The following SPIDR variants were observed in gnomAD, a reference collection of about 807,000 sequenced individuals.
SPIDR encodes the protein scaffold protein involved in DNA repair, also known as DNA repair-scaffolding protein.
In SPIDR, 93 loss-of-function variants were observed where a neutral mutation model predicts 104.6. The observed-to-expected ratio is 0.89, with a 90% CI of 0.75 to 1.06. The LOEUF (loss-of-function observed/expected upper bound fraction) is 1.06. Among genes scored for constraint, SPIDR ranks in the 50% least tolerant of loss-of-function variants. SPIDR has a pLI of 0.00. For missense variants in SPIDR, 1,154 were observed against 1,111.2 expected, an observed-to-expected ratio of 1.04 and a Z score of -0.55; for synonymous variants, 431 against 416.9, an observed-to-expected ratio of 1.03 and a Z score of -0.41.
Position 47,598,945 on chromosome 8 carries a change from G to A in SPIDR, c.1294-1G>A. 1 of 1,613,946 alleles carries A rather than the reference G, an allele frequency of 6.2e-7. No homozygotes were observed. Among genetic ancestry groups the A allele is most frequent in the Non-Finnish European group, 8.5e-7 (1 of 1,179,972 alleles). On this transcript the variant is annotated splice_acceptor_variant, in intron 9 of 19. Transcript: ENST00000297423. LOFTEE classifies it high-confidence loss of function. ...CTGTTCCCTTTATGTGTCTTGGCCA[G>A]GTTGTGTGTAGTGGTGTAGCCACTA...
intron 5 of SPIDR, among the ~76,000 whole-genome samples, chr8:47,333,617 A>G (rs150809686): frequency 7.6e-4 from 116 of 152,270 alleles, no homozygotes; most frequent in African/African-American, 2.4e-3. Flanking sequence ...ATATACTTCA[A>G]AATAATGATA....
chr8:47,492,357 C>A (rs2154367415), intron 8 of SPIDR, among the ~76,000 whole-genome samples: 1 of 152,170 alleles, frequency 6.6e-6, no homozygotes, highest in East Asian at 1.9e-4. Context: ...GCCATTTCCT[C>A]TACGGAGGGG....
chr8:47,299,498 G>A (rs2041606768), intron 5 of SPIDR, among the ~76,000 whole-genome samples: 7 of 152,160 alleles, frequency 4.6e-5, no homozygotes, highest in Admixed American at 3.9e-4. Context: ...TTGAATAGGA[G>A]TGGTGAGAGA....
At chr8:47,514,992 T>C (rs1220316279) in intron 8 of SPIDR, among the ~76,000 whole-genome samples, 1 of 152,180 alleles carries the variant, frequency 6.6e-6, no homozygotes, top group East Asian at 1.9e-4. Flanking sequence ...TAGAAATTAT[T>C]TTAAACACGA....
At chr8:47,528,195 A>ATC (rs1407333835) in intron 8 of SPIDR, 2 of 152,212 alleles carry the variant, frequency 1.3e-5, no homozygotes, top group South Asian at 4.1e-4. Flanking sequence ...CATGGGGCCA[A>ATC]TCTGTCTTTG....
chr8:47,311,487 A>T (rs782164453), intron 5 of SPIDR, among the ~76,000 whole-genome samples: 1 of 152,154 alleles, frequency 6.6e-6, no homozygotes, highest in Non-Finnish European at 1.5e-5. Context: ...ATAAAATAAC[A>T]CTTAAGTACA....
chr8:47,545,622 C>A (rs148481361), intron 8 of SPIDR, among the ~76,000 whole-genome samples: 119 of 152,184 alleles, frequency 7.8e-4, no homozygotes, highest in Non-Finnish European at 1.3e-3. Flanking sequence ...TATGCCCTTT[C>A]TTTCCTTTTC....
chr8:47,498,774 A>G (rs2079860199), intron 8 of SPIDR, among the ~76,000 whole-genome samples: 2 of 152,320 alleles, frequency 1.3e-5, no homozygotes, highest in South Asian at 2.1e-4. Flanking sequence ...GATATACTCC[A>G]TTGTCTTTGC....
intron 8 of SPIDR, among the ~76,000 whole-genome samples, chr8:47,551,320 G>A (rs189289877): frequency 6.6e-6 from 1 of 152,286 alleles, no homozygotes; most frequent in African/African-American, 2.4e-5. Flanking sequence ...TTTTTCTATT[G>A]ATGTGAATAG....
chr8:47,715,964 CTTTTTTTTTTTTT>C (rs965625857), intron 16 of SPIDR, among the ~76,000 whole-genome samples: 2 of 127,096 alleles, frequency 1.6e-5, no homozygotes, highest in East Asian at 2.2e-4. Context: ...TCTCTTTTTT[CTTTTTTTTTTTTT>C]TTTTTTGGAG....
chr8:47,382,515 C>T (rs1224982252), intron 5 of SPIDR, among the ~76,000 whole-genome samples: 1 of 152,188 alleles, frequency 6.6e-6, no homozygotes, highest in African/African-American at 2.4e-5. Flanking sequence ...TGGGTTCAAA[C>T]GATTCTCCTG....
intron 5 of SPIDR, among the ~76,000 whole-genome samples, chr8:47,311,438 G>A (rs1554584973): frequency 6.6e-6 from 1 of 152,148 alleles, no homozygotes; most frequent in Non-Finnish European, 1.5e-5. Context: ...GAATTTACAT[G>A]TTGAAGAAGT....
intron 8 of SPIDR, among the ~76,000 whole-genome samples, chr8:47,546,524 C>CA (rs1280637578): frequency 2.0e-5 from 3 of 152,062 alleles, no homozygotes; most frequent in Non-Finnish European, 4.4e-5. Flanking sequence ...AGACATTTGT[C>CA]AATCTTACTG....
intron 8 of SPIDR, among the ~76,000 whole-genome samples, chr8:47,538,502 C>T (rs1206654178): frequency 6.6e-6 from 1 of 152,116 alleles, no homozygotes; most frequent in Non-Finnish European, 1.5e-5. Flanking sequence ...CGAGATCATG[C>T]CACTGCACCC....
At chr8:47,698,220 CTGTT>C (rs2079630782) in intron 11 of SPIDR, among the ~76,000 whole-genome samples, 1 of 151,750 alleles carries the variant, frequency 6.6e-6, no homozygotes, top group South Asian at 2.1e-4. Flanking sequence ...CCCTGTCAGA[CTGTT>C]TGTTGCTTAA....
At chr8:47,384,370 T>C (rs2154302391) in intron 5 of SPIDR, among the ~76,000 whole-genome samples, 1 of 152,358 alleles carries the variant, frequency 6.6e-6, no homozygotes, top group African/African-American at 2.4e-5. Flanking sequence ...ATAAAGCTTT[T>C]GTGTTACGTA....
chr8:47,686,156 T>A (rs1365666935), intron 11 of SPIDR, among the ~76,000 whole-genome samples: 1 of 152,166 alleles, frequency 6.6e-6, no homozygotes, highest in Non-Finnish European at 1.5e-5. Context: ...AGCAGCATAG[T>A]CTGAAAGCAT....
chr8:47,660,746 A>T (rs907601030), intron 10 of SPIDR, among the ~76,000 whole-genome samples: 2 of 152,104 alleles, frequency 1.3e-5, no homozygotes, highest in African/African-American at 4.8e-5. Context: ...GAAATGGTAT[A>T]CCCTGTGCCA....
chr8:47,426,266 GCAAAA>G (rs2066397602), intron 7 of SPIDR, among the ~76,000 whole-genome samples: 1 of 151,844 alleles, frequency 6.6e-6, no homozygotes, highest in Non-Finnish European at 1.5e-5. Flanking sequence ...AAAAAACAAA[GCAAAA>G]CAAAACAAAA....
Sources: allele counts gnomAD v4.1 joint callset (sites outside exome capture counted in the v4.1 genomes callset), GRCh38; gene constraint gnomAD v4.1.1; transcripts MANE v1.5; gene names NCBI Gene and HGNC (gene_info 2026-07-23, HGNC 2026-07-21).